DAB1: variants seen among roughly 807,000 people sequenced by gnomAD.
DAB1 encodes DAB adaptor protein 1.
Under a neutral mutation model 64.6 loss-of-function variants are expected in DAB1, and 15 were observed. That is an observed-to-expected ratio of 0.23 (90% CI 0.16 to 0.36). The LOEUF (loss-of-function observed/expected upper bound fraction) is 0.36, where lower values mean the gene tolerates loss of function less well. Ranked by LOEUF, DAB1 falls within the 10% of genes least tolerant of loss-of-function variation. The pLI, the probability that DAB1 is intolerant of heterozygous loss-of-function variation, is 1.00. For synonymous variants in DAB1, 235 were observed against 251.9 expected, an observed-to-expected ratio of 0.93 and a Z score of 0.64; for missense variants, 596 against 706.7, an observed-to-expected ratio of 0.84 and a Z score of 1.78.
chr1:57,436,532 A>C (rs977782352), intron 7 of DAB1, among the ~76,000 whole-genome samples: 1 of 152,220 alleles, frequency 6.6e-6, no homozygotes, highest in African/African-American at 2.4e-5. Context: ...TTGTGCTAAT[A>C]GTGCAAGTCC....
At chr1:57,461,504 A>G (rs1166473331) in intron 7 of DAB1, among the ~76,000 whole-genome samples, 1 of 152,124 alleles carries the variant, frequency 6.6e-6, no homozygotes, top group African/African-American at 2.4e-5. Context: ...TGACTTTCTC[A>G]TCAGCCCCTT....
At chr1:57,082,927 A>G (rs528869906) in intron 4 of DAB1, among the ~76,000 whole-genome samples, 1 of 152,200 alleles carries the variant, frequency 6.6e-6, no homozygotes, top group Non-Finnish European at 1.5e-5. Context: ...AGGCTGAATA[A>G]GTATGGAAAC....
chr1:57,553,458 A>AAGAG (rs1215075800), intron 7 of DAB1, among the ~76,000 whole-genome samples: 20 of 132,138 alleles, frequency 1.5e-4, no homozygotes, highest in African/African-American at 3.3e-4. Context: ...GAAAGAAAGA[A>AAGAG]AGAGAAAGGG....
intron 7 of DAB1, among the ~76,000 whole-genome samples, chr1:57,552,066 T>C (rs1478214449): frequency 2.4e-4 from 36 of 152,206 alleles, no homozygotes; most frequent in Non-Finnish European, 1.0e-4. Flanking sequence ...GTTTTCCTCC[T>C]GTACATCGCA....
At chr1:57,703,357 A>G (rs1646929852) in intron 6 of DAB1, among the ~76,000 whole-genome samples, 1 of 152,172 alleles carries the variant, frequency 6.6e-6, no homozygotes, top group Non-Finnish European at 1.5e-5. Context: ...AAAAGATCTT[A>G]TTAAAAAGTG....
At chr1:58,110,688 C>T (rs1651922139) in intron 5 of DAB1, among the ~76,000 whole-genome samples, 2 of 152,216 alleles carry the variant, frequency 1.3e-5, no homozygotes, top group South Asian at 4.1e-4. Context: ...CACTCTTTAT[C>T]CTTTGCAACA....
intron 5 of DAB1, among the ~76,000 whole-genome samples, chr1:57,985,466 C>T (rs772490541): frequency 2.0e-5 from 3 of 152,024 alleles, no homozygotes; most frequent in African/African-American, 4.8e-5. Flanking sequence ...GTCAGGCCTT[C>T]GAGAGGTGAT....
intron 2 of DAB1, among the ~76,000 whole-genome samples, chr1:57,195,180 T>C (rs1664522796): frequency 6.6e-6 from 1 of 152,284 alleles, no homozygotes. Context: ...CCATCCATCA[T>C]GTATTCATCA....
At chr1:57,301,421 G>A (rs1673643664) in intron 1 of DAB1, among the ~76,000 whole-genome samples, 1 of 152,138 alleles carries the variant, frequency 6.6e-6, no homozygotes, top group African/African-American at 2.4e-5. Context: ...GGTGAGGGGA[G>A]GAAGGCTTAC....
chr1:57,848,954 T>C (rs1027902511), intron 1 of DAB1, among the ~76,000 whole-genome samples: 1 of 152,192 alleles, frequency 6.6e-6, no homozygotes, highest in African/African-American at 2.4e-5. Context: ...TACATCAAGA[T>C]TGAAGGTCAT....
rs115967756 is a variant in DAB1, at chr1:57,590,943, G to T, written n.625+58649C>A. Among the ~76,000 whole-genome samples, 585 of 152,124 alleles carry T rather than the reference G, an allele frequency of 3.8e-3. 4 individuals carry two copies. Among genetic ancestry groups the T allele is most frequent in the Admixed American group, 0.01 (159 of 15,282 alleles). ...CTGAATTTTCCATTTATGCAAAATTGGTTAATTCAGTACTGAATCAAATTC... is the reference window on the plus strand; with the variant it reads ...CTGAATTTTCCATTTATGCAAAATTTGTTAATTCAGTACTGAATCAAATTC... On this transcript the variant is annotated intron_variant and non_coding_transcript_variant, in intron 7 of 20. Transcript: ENST00000485760.
chr1:58,130,824 T>C (rs1031730538), intron 5 of DAB1, among the ~76,000 whole-genome samples: 7 of 152,204 alleles, frequency 4.6e-5, no homozygotes, highest in African/African-American at 1.7e-4. Flanking sequence ...TGCCGAGAGA[T>C]CCGCCGTTAG....
intron 7 of DAB1, among the ~76,000 whole-genome samples, chr1:57,069,688 C>T (rs1007924475): frequency 1.3e-5 from 2 of 152,162 alleles, no homozygotes; most frequent in Non-Finnish European, 2.9e-5. Context: ...GGAGATATAA[C>T]CTCTTCATTC....
At chr1:57,262,968 G>A (rs757048747) in intron 2 of DAB1, among the ~76,000 whole-genome samples, 12 of 152,168 alleles carry the variant, frequency 7.9e-5, no homozygotes, top group Non-Finnish European at 1.2e-4. Context: ...AACATTAAGG[G>A]TGTGGTGGTA....
chr1:57,502,335 AAAAG>A (rs1553188310), intron 7 of DAB1, among the ~76,000 whole-genome samples: 7 of 146,570 alleles, frequency 4.8e-5, no homozygotes, highest in South Asian at 4.2e-4. Flanking sequence ...AAAAAAAAAA[AAAAG>A]AAAGAAAGAA....
At chr1:57,763,389 C>T (rs1055105794) in intron 6 of DAB1, among the ~76,000 whole-genome samples, 1 of 152,100 alleles carries the variant, frequency 6.6e-6, no homozygotes, top group Non-Finnish European at 1.5e-5. Context: ...TTTTAAATAT[C>T]TGTCTAGGCT....
At chr1:58,135,247 G>A (rs916685790) in intron 5 of DAB1, among the ~76,000 whole-genome samples, 3 of 152,118 alleles carry the variant, frequency 2.0e-5, no homozygotes, top group Non-Finnish European at 2.9e-5. Flanking sequence ...CTAAACCACC[G>A]TTTATCAAGG....
At chr1:57,356,543 T>C (rs773171896) in intron 1 of DAB1, among the ~76,000 whole-genome samples, 1 of 152,092 alleles carries the variant, frequency 6.6e-6, no homozygotes, top group Non-Finnish European at 1.5e-5. Flanking sequence ...GCACAACAAA[T>C]GGCTTCTCTC....
intron 4 of DAB1, among the ~76,000 whole-genome samples, chr1:58,300,602 AAGAAAGAAAGAGAGAGAG>A (rs1484777112): frequency 1.4e-3 from 54 of 39,310 alleles, no homozygotes; most frequent in Non-Finnish European, 2.0e-3. Flanking sequence ...GAAAGAAAGA[AAGAAAGAAAGAGAGAGAG>A]AGAGAGAGAG....
Sources: allele counts gnomAD v4.1 joint callset (sites outside exome capture counted in the v4.1 genomes callset), GRCh38; gene constraint gnomAD v4.1.1; transcripts MANE v1.5; gene names NCBI Gene and HGNC (gene_info 2026-07-23, HGNC 2026-07-21).